Variants in MRTFA observed in about 807,000 individuals in gnomAD.
MRTFA encodes the protein myocardin-related transcription factor A.
Under a neutral mutation model 83.5 loss-of-function variants are expected in MRTFA, and 20 were observed. That is an observed-to-expected ratio of 0.24 (90% CI 0.17 to 0.35). The LOEUF is 0.35. MRTFA is among the 10% of genes least tolerant of loss of function. The pLI is 1.00. For synonymous variants in MRTFA, 659 were observed against 541.2 expected (o/e 1.22, Z -3.02); for missense variants, 1,200 against 1,224.7 (o/e 0.98, Z 0.30).
intron 4 of MRTFA, among the ~76,000 whole-genome samples, chr22:40,462,728 G>T (rs1222882453): frequency 6.6e-6 from 1 of 152,190 alleles, no homozygotes; most frequent in Non-Finnish European, 1.5e-5. Flanking sequence ...ACTCAGCCAT[G>T]CTCACGCCCA....
chr22:40,426,963 C>A (rs2052967087), intron 7 of MRTFA, among the ~76,000 whole-genome samples: 1 of 152,250 alleles, frequency 6.6e-6, no homozygotes, highest in Non-Finnish European at 1.5e-5. Flanking sequence ...GGGCCATGGC[C>A]TTCCTACCAG....
At chr22:40,569,607 T>C (rs1313302981) in intron 2 of MRTFA, among the ~76,000 whole-genome samples, 1 of 152,038 alleles carries the variant, frequency 6.6e-6, no homozygotes, top group African/African-American at 2.4e-5. Context: ...GCCTGTAATC[T>C]CAGCTACTCA....
Position 40,579,700 on chromosome 22 carries a change from A to AC in MRTFA, c.-22+14973_-22+14974insG, listed in dbSNP as rs775682413. Reference sequence around the variant, plus strand: ...CATGGTGAAACCCCGTCTCTACTAAAAATACAAAAATTAGCCGGGCATGGT... The same window carrying AC: ...CATGGTGAAACCCCGTCTCTACTAAACAATACAAAAATTAGCCGGGCATGGT... On this transcript the variant is annotated intron_variant, in intron 2 of 14. Transcript: ENST00000355630. Among the ~76,000 whole-genome samples the AC allele has an allele frequency of 1.4e-4, 21 of 152,278 alleles. No individual in the cohort carries two copies. In the East Asian group the frequency reaches 2.7e-3, roughly 20 times the overall value.
At chr22:40,634,428 G>C (rs1486285375) in intron 1 of MRTFA, among the ~76,000 whole-genome samples, 1 of 152,146 alleles carries the variant, frequency 6.6e-6, no homozygotes, top group Admixed American at 6.5e-5. Flanking sequence ...ATTTCTCTTT[G>C]GAATTTCCTC....
intron 4 of MRTFA, among the ~76,000 whole-genome samples, chr22:40,446,488 C>A (rs541975739): frequency 6.6e-6 from 1 of 152,166 alleles, no homozygotes; most frequent in African/African-American, 2.4e-5. Context: ...CAAGGACAGG[C>A]ATGAAGAGAG....
chr22:40,489,033 C>T (rs1454015916), intron 3 of MRTFA, among the ~76,000 whole-genome samples: 1 of 151,760 alleles, frequency 6.6e-6, no homozygotes, highest in Non-Finnish European at 1.5e-5. Context: ...CATGATGGCT[C>T]AGTCCTGAAA....
At chr22:40,430,692 C>T (rs935381563) in intron 6 of MRTFA, among the ~76,000 whole-genome samples, 1 of 151,856 alleles carries the variant, frequency 6.6e-6, no homozygotes, top group African/African-American at 2.4e-5. Flanking sequence ...AACCCCATCT[C>T]TACTAAAAAT....
Position 40,496,028 on chromosome 22 carries a change from T to G in MRTFA, c.242-32742A>C, listed in dbSNP as rs528552886. Among the ~76,000 whole-genome samples the G allele has an allele frequency of 2.9e-4, 44 of 151,216 alleles. No individual in the cohort carries two copies. In the South Asian group the frequency reaches 6.2e-3, roughly 21 times the overall value. ...TTGCAGTGAGCCAAGATTGCACCAC[T>G]GCACTCCATCCCGGGCCACAGAATG... On this transcript the variant is annotated intron_variant, in intron 3 of 14. Coordinates refer to ENST00000355630, the MANE Select transcript of MRTFA (RefSeq NM_020831.6).
Position 40,494,277 on chromosome 22 carries a change from AC to A in MRTFA, c.242-30992del, listed in dbSNP as rs548390198. On this transcript the variant is annotated intron_variant, in intron 3 of 14. Transcript: ENST00000355630. ...TATTATTTTATATTAATTGTAATTA[AC>A]ATGTCATTAAAACTACTAGGTTAAA... Among the ~76,000 whole-genome samples, 103 of 152,318 alleles carry A rather than the reference AC, an allele frequency of 6.8e-4. No homozygotes were observed. The East Asian group carries it at 0.018, about 27-fold the overall frequency.
intron 1 of MRTFA, among the ~76,000 whole-genome samples, chr22:40,623,160 A>G (rs1309306676): frequency 1.3e-5 from 2 of 152,152 alleles, no homozygotes; most frequent in Non-Finnish European, 2.9e-5. Context: ...CCAGAGTACT[A>G]TGTTCTTATA....
At chr22:40,432,302 C>T (rs1270468653) in intron 5 of MRTFA, among the ~76,000 whole-genome samples, 1 of 152,096 alleles carries the variant, frequency 6.6e-6, no homozygotes, top group Admixed American at 6.6e-5. Context: ...ACCTGTAACA[C>T]TGCATGATCT....
chr22:40,605,102 C>T (rs1285001753), intron 1 of MRTFA, among the ~76,000 whole-genome samples: 1 of 152,158 alleles, frequency 6.6e-6, no homozygotes, highest in Non-Finnish European at 1.5e-5. Context: ...ATGCCTATTT[C>T]TTTATGAAGT....
Position 40,420,477 on chromosome 22 carries a change from C to T in MRTFA, c.1281G>A (p.Gly427=), listed in dbSNP as rs1004382187. 1.2e-6 allele frequency: 2 copies of T among 1,613,698 alleles called. No individual in the cohort carries two copies. Among genetic ancestry groups the T allele is most frequent in the African/African-American group, 2.7e-5 (2 of 74,958 alleles). ...GTGAGGTGCTGTTCTGACGTGCCAG[C>T]CCACAGGGCCCAGGGGCGCCCGAGC... is the stretch of plus-strand genomic sequence containing the variant. The change falls in exon 11 of 15, where the codon GGG becomes GGA. Residue 427 remains glycine (G), a synonymous_variant. Coordinates refer to ENST00000355630, the MANE Select transcript of MRTFA (RefSeq NM_020831.6).
chr22:40,489,339 T>C (rs1223782160), intron 3 of MRTFA, among the ~76,000 whole-genome samples: 1 of 151,796 alleles, frequency 6.6e-6, no homozygotes, highest in Non-Finnish European at 1.5e-5. Context: ...GTAGAAGACA[T>C]AATTTCAAAT....
intron 3 of MRTFA, among the ~76,000 whole-genome samples, chr22:40,550,643 T>C (rs1206756628): frequency 6.6e-6 from 1 of 152,190 alleles, no homozygotes; most frequent in Non-Finnish European, 1.5e-5. Flanking sequence ...TTCTCTCATA[T>C]ATAGGTTTAA....
intron 2 of MRTFA, among the ~76,000 whole-genome samples, chr22:40,573,374 C>T (rs889139171): frequency 6.6e-6 from 1 of 152,142 alleles, no homozygotes; most frequent in African/African-American, 2.4e-5. Context: ...CCTGCCTCAG[C>T]CTCCCAAGTA....
intron 1 of MRTFA, among the ~76,000 whole-genome samples, chr22:40,597,906 C>T (rs2147389370): frequency 6.6e-6 from 1 of 152,226 alleles, no homozygotes; most frequent in South Asian, 2.1e-4. Flanking sequence ...CTAGTTTGTC[C>T]ACATATTAAT....
chr22:40,540,751 T>A (rs1461289749), intron 3 of MRTFA, among the ~76,000 whole-genome samples: 2 of 122,134 alleles, frequency 1.6e-5, no homozygotes, highest in African/African-American at 6.1e-5. Context: ...CACTCCAGCC[T>A]GGGTGACAGA....
At chr22:40,428,194 T>C (rs1340273762) in intron 7 of MRTFA, among the ~76,000 whole-genome samples, 3 of 152,022 alleles carry the variant, frequency 2.0e-5, no homozygotes, top group Non-Finnish European at 2.9e-5. Flanking sequence ...TAAAAGCAAA[T>C]GTAAAATAAC....
Sources: gnomAD v4.1 joint callset for allele counts (sites outside exome capture counted in the v4.1 genomes callset) on GRCh38, gnomAD v4.1.1 for gene constraint, MANE v1.5 for transcripts, NCBI Gene and HGNC (gene_info 2026-07-23, HGNC 2026-07-21) for gene names.